Variants in DPYD observed in about 807,000 individuals in gnomAD.
DPYD encodes the protein dihydropyrimidine dehydrogenase.
DPYD carries 109 observed loss-of-function variants against 116.2 expected under a neutral mutation model. The ratio of observed to expected loss-of-function variants is 0.94; its 90% CI spans 0.80 to 1.10. The LOEUF is 1.10. Ranked by LOEUF, DPYD falls within the 50% of genes least tolerant of loss-of-function variation. The probability of loss-of-function intolerance (pLI) is 0.00; values close to 1 mark genes in which losing one functional copy is unlikely to be tolerated. For synonymous variants in DPYD, 440 were observed against 432.0 expected (o/e 1.02, Z -0.23); for missense variants, 1,302 against 1,254.5 (o/e 1.04, Z -0.57).
intron 1 of DPYD, among the ~76,000 whole-genome samples, chr1:97,890,690 AT>A (rs1672731220): frequency 6.6e-6 from 1 of 152,010 alleles, no homozygotes; most frequent in African/African-American, 2.4e-5. Flanking sequence ...AAATTGAGAA[AT>A]AAAAAGACAC....
chr1:97,164,876 T>C (rs1656202480), intron 20 of DPYD, among the ~76,000 whole-genome samples: 1 of 151,954 alleles, frequency 6.6e-6, no homozygotes, highest in South Asian at 2.1e-4. Flanking sequence ...TTCTTTTTTT[T>C]TTTTTGTATT....
intron 13 of DPYD, among the ~76,000 whole-genome samples, chr1:97,485,307 T>C (rs1238771105): frequency 2.0e-5 from 3 of 152,120 alleles, no homozygotes; most frequent in African/African-American, 7.2e-5. Context: ...GTTCAAGCAA[T>C]TTTCATGCCT....
intron 1 of DPYD, among the ~76,000 whole-genome samples, chr1:97,918,007 A>G (rs1342730396): frequency 1.3e-5 from 2 of 152,162 alleles, no homozygotes; most frequent in African/African-American, 4.8e-5. Context: ...GTCCAATACT[A>G]ACCTTCTTTG....
chr1:97,564,403 GA>G (rs944271755), intron 11 of DPYD, among the ~76,000 whole-genome samples: 1 of 152,112 alleles, frequency 6.6e-6, no homozygotes, highest in Non-Finnish European at 1.5e-5. Flanking sequence ...ACACTCTTAA[GA>G]AGCTGTTATT....
At chr1:97,380,098 C>A (rs1258294293) in intron 15 of DPYD, among the ~76,000 whole-genome samples, 3 of 152,148 alleles carry the variant, frequency 2.0e-5, no homozygotes, top group African/African-American at 7.2e-5. Context: ...AGGCTGATTA[C>A]AAATTACAAA....
intron 8 of DPYD, among the ~76,000 whole-genome samples, chr1:97,606,415 T>TA (rs1386897999): frequency 6.6e-6 from 1 of 151,926 alleles, no homozygotes; most frequent in African/African-American, 2.4e-5. Flanking sequence ...CAGGAGCAGT[T>TA]ACAAAGGCAC....
At chr1:97,234,026 T>C (rs568655927) in intron 19 of DPYD, among the ~76,000 whole-genome samples, 5 of 152,330 alleles carry the variant, frequency 3.3e-5, no homozygotes, top group African/African-American at 9.6e-5. Context: ...TGCCAGAGAA[T>C]ATGTGATGCC....
intron 2 of DPYD, among the ~76,000 whole-genome samples, chr1:97,852,671 C>T (rs942393867): frequency 2.0e-5 from 3 of 152,054 alleles, no homozygotes; most frequent in African/African-American, 7.2e-5. Context: ...TGATCTGATG[C>T]TCATATAGCA....
At chr1:97,803,301 G>A (rs972393108) in intron 3 of DPYD, among the ~76,000 whole-genome samples, 1 of 151,730 alleles carries the variant, frequency 6.6e-6, no homozygotes, top group Non-Finnish European at 1.5e-5. Context: ...TTTGTAATTG[G>A]ACTACCCTAC....
intron 2 of DPYD, among the ~76,000 whole-genome samples, chr1:97,880,487 C>G (rs1035230067): frequency 1.8e-4 from 27 of 151,772 alleles, no homozygotes; most frequent in African/African-American, 6.5e-4. Context: ...CCGAGAATAA[C>G]TTTCAACCCT....
intron 4 of DPYD, among the ~76,000 whole-genome samples, chr1:97,730,246 G>C (rs953251192): frequency 1.3e-5 from 2 of 152,066 alleles, no homozygotes; most frequent in Non-Finnish European, 2.9e-5. Context: ...TTTTTAGACA[G>C]AGTCTGGCTC....
intron 16 of DPYD, among the ~76,000 whole-genome samples, chr1:97,340,169 A>G (rs1354064943): frequency 2.6e-5 from 4 of 152,122 alleles, no homozygotes; most frequent in African/African-American, 4.8e-5. Flanking sequence ...GTCATTTACC[A>G]CTATATATGT....
intron 19 of DPYD, among the ~76,000 whole-genome samples, chr1:97,195,763 T>C (rs1658762596): frequency 6.9e-6 from 1 of 145,492 alleles, no homozygotes; most frequent in African/African-American, 2.5e-5. Context: ...TGTGAAATTC[T>C]GGGAATGCTA....
intron 4 of DPYD, among the ~76,000 whole-genome samples, chr1:97,732,231 C>CT (rs1426028866): frequency 2.0e-5 from 3 of 151,984 alleles, no homozygotes; most frequent in Non-Finnish European, 4.4e-5. Context: ...AATCCCAGCA[C>CT]TTTGGGAGGC....
rs115692091 is a variant in DPYD at position 97,132,209 on chromosome 1, C to T, written c.2623-33577G>A. Reference sequence around the variant, plus strand: ...TCTTTAGGTCAGTCAGTCAAATCATCGCTAAAGCTTTCACCAACAGGAACA... The same window carrying T: ...TCTTTAGGTCAGTCAGTCAAATCATTGCTAAAGCTTTCACCAACAGGAACA... On this transcript the variant is annotated intron_variant, in intron 20 of 22. Transcript: ENST00000370192. 8.6e-3 allele frequency among the ~76,000 whole-genome samples: 1,305 copies of T among 152,246 alleles called. 22 individuals carry two copies. The highest frequency in any genetic ancestry group is 0.029 in the African/African-American group (1,225 of 41,538).
chr1:97,714,962 G>A (rs550984316), intron 5 of DPYD, among the ~76,000 whole-genome samples: 2 of 152,042 alleles, frequency 1.3e-5, no homozygotes, highest in Admixed American at 1.3e-4. Flanking sequence ...GTGAGGTTGT[G>A]GAAGTTAATT....
chr1:97,710,190 T>G lies in DPYD; in HGVS notation c.484-10643A>C, dbSNP rs2100999373. Among the ~76,000 whole-genome samples the G allele has an allele frequency of 2.6e-5, 4 of 151,968 alleles. No homozygotes were observed. In the Middle Eastern group the frequency reaches 0.014, roughly 517 times the overall value. ...TGCTCGTTTCAGTTTCTTGAGTTAC[T>G]TAATTAGTGGGATGAATGTCTCGTT... is the stretch of plus-strand genomic sequence containing the variant. On this transcript the variant is annotated intron_variant, in intron 5 of 22. Transcript: ENST00000370192.
intron 8 of DPYD, among the ~76,000 whole-genome samples, chr1:97,650,729 A>G (rs565041459): frequency 6.6e-6 from 1 of 152,138 alleles, no homozygotes; most frequent in Non-Finnish European, 1.5e-5. Flanking sequence ...AATATAGATT[A>G]TTCCAAGTTT....
intron 14 of DPYD, among the ~76,000 whole-genome samples, chr1:97,428,116 T>C (rs1395544653): frequency 6.6e-6 from 1 of 152,162 alleles, no homozygotes; most frequent in Non-Finnish European, 1.5e-5. Context: ...AGAGGTCCAT[T>C]TAATCAAATC....
Sources: allele counts gnomAD v4.1 joint callset (sites outside exome capture counted in the v4.1 genomes callset), GRCh38; gene constraint gnomAD v4.1.1; transcripts MANE v1.5; gene names NCBI Gene and HGNC (gene_info 2026-07-23, HGNC 2026-07-21).